Variants in CFAP47 observed in about 807,000 individuals in gnomAD.
The protein encoded by CFAP47 is cilia- and flagella-associated protein 47.
In CFAP47, 29 loss-of-function variants were observed where a neutral mutation model predicts 148.1. The ratio of observed to expected loss-of-function variants is 0.20; its 90% CI spans 0.15 to 0.27. The LOEUF (loss-of-function observed/expected upper bound fraction) is 0.27. CFAP47 is among the 10% of genes least tolerant of loss of function. CFAP47 has a pLI of 1.00. For synonymous variants in CFAP47, 664 were observed against 577.3 expected (o/e 1.15, Z -2.15); for missense variants, 1,872 against 1,697.5 (o/e 1.10, Z -1.81).
chrX:36,198,762 G>A (rs970738530), intron 42 of CFAP47, among the ~76,000 whole-genome samples: 5 of 111,860 alleles, frequency 4.5e-5, no homozygotes, highest in Non-Finnish European at 9.4e-5. Flanking sequence ...CAGGAGGAAG[G>A]TATAATGAGG....
intron 57 of CFAP47, among the ~76,000 whole-genome samples, chrX:36,345,696 C>T (rs1450639694): frequency 2.7e-5 from 3 of 111,366 alleles, no homozygotes; most frequent in Admixed American, 9.6e-5. Context: ...AAATGAGAAA[C>T]GTAAAAGCAT....
At chrX:35,962,353 G>A (rs1336778987) in intron 8 of CFAP47, among the ~76,000 whole-genome samples, 1 of 111,090 alleles carries the variant, frequency 9.0e-6, no homozygotes, top group Non-Finnish European at 1.9e-5. Context: ...GGCTTATGAT[G>A]TTTTTCAGTT....
intron 59 of CFAP47, 76 bp downstream of exon 59, chrX:36,350,208 T>G: frequency 1.5e-6 from 1 of 685,023 alleles, no homozygotes; most frequent in Non-Finnish European, 2.2e-6. Context: ...TCTTTTTTGT[T>G]TGAAGTCCAG....
chrX:36,175,772 C>G (rs764737520), intron 39 of CFAP47, among the ~76,000 whole-genome samples: 30 of 113,089 alleles, frequency 2.7e-4, no homozygotes, highest in African/African-American at 9.6e-4. Context: ...TGCCCTGCCC[C>G]CAGAGGTGGA....
chrX:35,960,390 A>AAAAAAAAAAAAAAAAC (rs1936312283), intron 8 of CFAP47, among the ~76,000 whole-genome samples: 1 of 100,697 alleles, frequency 9.9e-6, no homozygotes, highest in African/African-American at 3.7e-5. Flanking sequence ...GAAAAAAAAA[A>AAAAAAAAAAAAAAAAC]AAAAAAAAAA....
chrX:36,230,619 A>T (rs1182578497), intron 46 of CFAP47, among the ~76,000 whole-genome samples: 4 of 108,957 alleles, frequency 3.7e-5, no homozygotes, highest in Non-Finnish European at 5.7e-5. Flanking sequence ...GCTTAATTAG[A>T]TCCCATTTGT....
chrX:36,140,338 A>G (rs1335871267), intron 35 of CFAP47, among the ~76,000 whole-genome samples: 1 of 111,853 alleles, frequency 8.9e-6, no homozygotes, highest in Non-Finnish European at 1.9e-5. Flanking sequence ...TTCATAAGAA[A>G]TTTAAAATAC....
intron 2 of CFAP47, among the ~76,000 whole-genome samples, chrX:35,936,109 C>T (rs6632406): frequency 0.13 from 14,362 of 111,178 alleles, 740 homozygotes; most frequent in East Asian, 0.24. Context: ...CAGCCCCATT[C>T]TCTTTCTTCT....
intron 2 of CFAP47, among the ~76,000 whole-genome samples, chrX:35,928,652 T>A (rs1210540547): frequency 9.0e-6 from 1 of 111,213 alleles, no homozygotes; most frequent in Non-Finnish European, 1.9e-5. Flanking sequence ...AAGGGTTTTT[T>A]TTTTAAACGT....
intron 21 of CFAP47, among the ~76,000 whole-genome samples, chrX:36,011,146 G>T (rs1036668554): frequency 8.9e-5 from 10 of 111,941 alleles, no homozygotes; most frequent in African/African-American, 2.6e-4. Flanking sequence ...TGTTCCTTTA[G>T]CTGGTGTTGA....
intron 51 of CFAP47, among the ~76,000 whole-genome samples, chrX:36,288,009 A>T (rs1556004914): frequency 1.8e-5 from 2 of 111,800 alleles, no homozygotes; most frequent in African/African-American, 6.5e-5. Flanking sequence ...ACTTTATTTA[A>T]ACTTTATACC....
chrX:36,364,419 A>G (rs1249180422), intron 61 of CFAP47, among the ~76,000 whole-genome samples: 1 of 104,009 alleles, frequency 9.6e-6, no homozygotes, highest in Non-Finnish European at 2.0e-5. Flanking sequence ...TAAGCAAGAA[A>G]GTAAATTTCA....
chrX:36,091,040 C>T (rs1377772325), intron 30 of CFAP47, among the ~76,000 whole-genome samples: 5 of 111,533 alleles, frequency 4.5e-5, no homozygotes, highest in African/African-American at 6.5e-5. Context: ...ACTGACAAGA[C>T]GTAAAATCTA....
intron 48 of CFAP47, among the ~76,000 whole-genome samples, chrX:36,240,033 A>G (rs1374599044): frequency 8.9e-6 from 1 of 112,124 alleles, no homozygotes; most frequent in Admixed American, 9.5e-5. Flanking sequence ...GTGGGCACAT[A>G]CTATAATGAA....
chrX:35,933,203 C>T (rs1935857260), intron 2 of CFAP47, among the ~76,000 whole-genome samples: 1 of 106,373 alleles, frequency 9.4e-6, no homozygotes, highest in Admixed American at 1.0e-4. Flanking sequence ...CATTAACCCT[C>T]CCCCTTCTTC....
At chrX:36,247,935 T>C (rs782758499) in intron 48 of CFAP47, among the ~76,000 whole-genome samples, 1 of 110,644 alleles carries the variant, frequency 9.0e-6, no homozygotes, top group South Asian at 3.7e-4. Context: ...ACAAAAATAG[T>C]TTGAAAGTAA....
chrX:35,962,742 G>A (rs1936347708), intron 8 of CFAP47, among the ~76,000 whole-genome samples: 1 of 110,484 alleles, frequency 9.1e-6, no homozygotes, highest in Non-Finnish European at 1.9e-5. Flanking sequence ...ATGTGTTTTT[G>A]CCTACTCCAC....
At chrX:36,029,387 G>T (rs149883705) in intron 22 of CFAP47, among the ~76,000 whole-genome samples, 1,830 of 110,197 alleles carry the variant, frequency 0.017, 45 homozygotes, top group African/African-American at 0.057. Flanking sequence ...ATTTCATTTA[G>T]CTCTGCTCTG....
At chrX:36,363,512 A>T (rs781899533) in intron 61 of CFAP47, among the ~76,000 whole-genome samples, 1 of 111,936 alleles carries the variant, frequency 8.9e-6, no homozygotes, top group African/African-American at 3.2e-5. Flanking sequence ...TTCATCATTG[A>T]CCAAAATGTC....
Sources: allele counts gnomAD v4.1 joint callset (sites outside exome capture counted in the v4.1 genomes callset), GRCh38; gene constraint gnomAD v4.1.1; transcripts MANE v1.5; gene names NCBI Gene and HGNC (gene_info 2026-07-23, HGNC 2026-07-21).